USP54: variants seen among roughly 807,000 people sequenced by gnomAD.
USP54 encodes the protein ubiquitin specific peptidase 54, also known as ubiquitin carboxyl-terminal hydrolase 54.
In USP54, 87 loss-of-function variants were observed where a neutral mutation model predicts 170.5. The ratio of observed to expected loss-of-function variants is 0.51; its 90% CI spans 0.43 to 0.61. The LOEUF (loss-of-function observed/expected upper bound fraction) is 0.61, where lower values mean the gene tolerates loss of function less well. Ranked by LOEUF, USP54 falls within the 20% of genes least tolerant of loss-of-function variation. USP54 has a pLI of 0.00. For synonymous variants in USP54, 655 were observed against 742.8 expected, an observed-to-expected ratio of 0.88 and a Z score of 1.92; for missense variants, 1,786 against 2,047.8, an observed-to-expected ratio of 0.87 and a Z score of 2.47.
At chr10:73,580,318 CAA>C (rs550717480) in intron 1 of USP54, among the ~76,000 whole-genome samples, 23 of 64,358 alleles carry the variant, frequency 3.6e-4, no homozygotes, top group Middle Eastern at 0.011. Flanking sequence ...GACCCCATTT[CAA>C]AAAAAAAAAA....
intron 15 of USP54, 109 bp from the exon 16 acceptor site, chr10:73,526,889 G>A: frequency 7.8e-7 from 1 of 1,283,826 alleles, no homozygotes; most frequent in African/African-American, 1.5e-5. Context: ...CACAATTAGA[G>A]CTTCTGCTAA....
chr10:73,573,408 A>AT (rs1359580873), intron 3 of USP54, among the ~76,000 whole-genome samples: 1 of 152,110 alleles, frequency 6.6e-6, no homozygotes, highest in Non-Finnish European at 1.5e-5. Context: ...AAGCACTTAA[A>AT]TTTTTTCTAT....
chr10:73,512,285 C>T (rs1024118640), intron 20 of USP54, among the ~76,000 whole-genome samples: 8 of 151,890 alleles, frequency 5.3e-5, no homozygotes, highest in African/African-American at 1.5e-4. Flanking sequence ...ACTACTGACC[C>T]GCACCACCAC....
At chr10:73,504,656 G>T in intron 22 of USP54, 194 bp downstream of exon 22, 2 of 730,500 alleles carry the variant, frequency 2.7e-6, no homozygotes, top group Non-Finnish European at 4.4e-6. Context: ...CTGCTACATG[G>T]AATGGACATT....
chr10:73,607,830 CAAAA>C (rs770614076), intron 1 of USP54, among the ~76,000 whole-genome samples: 6 of 59,500 alleles, frequency 1.0e-4, no homozygotes, highest in African/African-American at 6.4e-5. Flanking sequence ...GACTCCGTCT[CAAAA>C]AAAAAAAAAA....
At chr10:73,613,359 G>A (rs1303518420) in intron 1 of USP54, among the ~76,000 whole-genome samples, 5 of 151,066 alleles carry the variant, frequency 3.3e-5, no homozygotes, top group East Asian at 2.0e-4. Flanking sequence ...CTCGAACTCC[G>A]GACCTCAGGT....
intron 4 of USP54, among the ~76,000 whole-genome samples, chr10:73,560,284 C>CCA (rs1412020755): frequency 6.6e-6 from 1 of 152,034 alleles, no homozygotes; most frequent in South Asian, 2.1e-4. Flanking sequence ...CAGGTCTTTT[C>CCA]CATCATCACT....
chr10:73,575,544 G>T lies in USP54; in HGVS notation c.115C>A (p.Gln39Lys). ...GCACTGTTGAGGAAGCAGCTGTTTT[G>T]CCCTGGCTCATTGCTGAGGCCTTTG... The part of the protein sequence containing the change: ...PSKGLSNEPG[Q>K]NSCFLNSALQ... Residue 39 changes from glutamine to lysine, a missense_variant, in exon 3 of 24, where the codon CAA becomes AAA. Physicochemically the swap from Gln to Lys is moderately conservative, Grantham distance 53. Coordinates refer to ENST00000687698, the MANE Select transcript of USP54 (RefSeq NM_001391956.1). 6.2e-7 allele frequency: 1 copy of T among 1,613,868 alleles called. No homozygotes were observed. Among genetic ancestry groups the T allele is most frequent in the East Asian group, 2.2e-5 (1 of 44,880 alleles).
intron 1 of USP54, among the ~76,000 whole-genome samples, chr10:73,615,925 G>T (rs976322923): frequency 7.2e-5 from 9 of 125,708 alleles, no homozygotes; most frequent in Admixed American, 5.4e-4. Flanking sequence ...AAAAAAAAAA[G>T]GCCCAGCACA....
chr10:73,547,414 T>C (rs1281541108), intron 4 of USP54, among the ~76,000 whole-genome samples: 5 of 152,130 alleles, frequency 3.3e-5, no homozygotes, highest in Admixed American at 6.6e-5. Context: ...AAAAAGAGCC[T>C]GCATTGCCAA....
chr10:73,515,931 T>C (rs2060996751), intron 20 of USP54: 1 of 155,610 alleles, frequency 6.4e-6, no homozygotes, highest in Non-Finnish European at 1.4e-5. Flanking sequence ...TACAGGCAAG[T>C]ACCACCACGC....
chr10:73,518,576 T>C (rs368331081), intron 19 of USP54: 4 of 152,148 alleles, frequency 2.6e-5, no homozygotes, highest in Admixed American at 2.0e-4. Context: ...GAAAATATAC[T>C]ATCAACTTTT....
intron 4 of USP54, among the ~76,000 whole-genome samples, chr10:73,550,996 T>C (rs1414094888): frequency 6.6e-6 from 1 of 152,122 alleles, no homozygotes; most frequent in Non-Finnish European, 1.5e-5. Context: ...TCCCAGCTAC[T>C]GCGGAGGCTG....
At position 73,523,697 on chromosome 10, in the gene USP54, T is replaced by C; in HGVS notation, c.2248A>G (p.Arg750Gly). 1 of 1,613,916 alleles carries C rather than the reference T, an allele frequency of 6.2e-7. No individual in the cohort carries two copies. Among genetic ancestry groups the C allele is most frequent in the Non-Finnish European group, 8.5e-7 (1 of 1,179,936 alleles). The change falls in exon 17 of 24, where the codon AGG (arginine) becomes GGG (glycine). Residue 750 changes from arginine to glycine, a missense_variant. Arg to Gly is a moderately radical substitution (Grantham distance 125). Transcript: ENST00000687698. ...ELDELQEEVA[R>G]RAQEQELRRK... ...CGAAGTTCCTGTTCCTGCGCCCTCC[T>C]GGCCACCTCTTCCTGCAATTCATCC...
intron 1 of USP54, among the ~76,000 whole-genome samples, chr10:73,606,175 CAAAAAAAA>C (rs1178699732): frequency 5.1e-4 from 13 of 25,622 alleles, no homozygotes; most frequent in South Asian, 2.8e-3. Flanking sequence ...GAGGCTGTCT[CAAAAAAAA>C]AAAAAAAAAA....
At chr10:73,625,479 G>A (rs1408579425) in intron 1 of USP54, 2 of 151,928 alleles carry the variant, frequency 1.3e-5, no homozygotes, top group Non-Finnish European at 2.9e-5. Flanking sequence ...CGGGGGATCT[G>A]TAAAGGTCTG....
At position 73,498,015 on chromosome 10, in the gene USP54, C is replaced by G. The variant is rs1281162570; in HGVS notation, c.*614G>C. ...CAGGAATAAAATGTGACCTTAAAAT[C>G]CTAAGGAATGGCTAGTATCCAGAGT... On this transcript the variant is annotated 3_prime_UTR_variant, in exon 24 of 24. Coordinates refer to ENST00000687698, the MANE Select transcript of USP54 (RefSeq NM_001391956.1). 6 of 152,244 alleles carry G rather than the reference C, an allele frequency of 3.9e-5. No homozygotes were observed. Among genetic ancestry groups the G allele is most frequent in the Admixed American group, 3.9e-4 (6 of 15,278 alleles). The allele number at this position is 152,244 out of a possible 1,614,324, so 9.4% of individuals were successfully genotyped here.
In USP54 at chr10:73,541,792, A is replaced by T; in HGVS notation, c.573-54T>A. On this transcript the variant is annotated intron_variant, in intron 7 of 23. Coordinates refer to ENST00000687698, the MANE Select transcript of USP54 (RefSeq NM_001391956.1). Reference sequence around the variant, plus strand: ...ATGGTTTGTATTTAGTTACTGCTAAATCAAACATTAATGTACATTCCTAAC... The same window carrying T: ...ATGGTTTGTATTTAGTTACTGCTAATTCAAACATTAATGTACATTCCTAAC... The T allele has an allele frequency of 3.3e-6, 5 of 1,532,198 alleles. No individual in the cohort carries two copies. The South Asian group carries it at 4.5e-5, about 14-fold the overall frequency. The allele number at this position is 1,532,198 out of a possible 1,614,324, so 94.9% of individuals were successfully genotyped here.
intron 1 of USP54, among the ~76,000 whole-genome samples, chr10:73,613,029 T>C (rs2080277181): frequency 6.6e-6 from 1 of 151,138 alleles, no homozygotes; most frequent in Non-Finnish European, 1.5e-5. Flanking sequence ...TGGTGGTGCG[T>C]GCCTCTGGTC....
Sources: allele counts gnomAD v4.1 joint callset (sites outside exome capture counted in the v4.1 genomes callset), GRCh38; gene constraint gnomAD v4.1.1; transcripts MANE v1.5; gene names NCBI Gene and HGNC (gene_info 2026-07-23, HGNC 2026-07-21).